Variants in HIVEP1 observed in about 807,000 individuals in gnomAD.
HIVEP1 encodes the protein zinc finger protein 40.
HIVEP1 carries 36 observed loss-of-function variants against 180.0 expected under a neutral mutation model. The observed-to-expected ratio is 0.20, with a 90% confidence interval of 0.15 to 0.26. HIVEP1 has a LOEUF of 0.26. Among genes scored for constraint, HIVEP1 ranks in the 10% least tolerant of loss-of-function variants. The pLI, the probability that HIVEP1 is intolerant of heterozygous loss-of-function variation, is 1.00. For synonymous variants in HIVEP1, 1,239 were observed against 1,239.0 expected (o/e 1.00, Z 0.00); for missense variants, 3,143 against 3,268.7 (o/e 0.96, Z 0.94).
intron 7 of HIVEP1, among the ~76,000 whole-genome samples, chr6:12,152,379 T>C (rs922736412): frequency 6.6e-6 from 1 of 151,952 alleles, no homozygotes; most frequent in Non-Finnish European, 1.5e-5. Flanking sequence ...CAGTACGACT[T>C]TTGATTCAGC....
At chr6:12,024,586 T>G (rs1037932807) in intron 2 of HIVEP1, among the ~76,000 whole-genome samples, 11 of 152,232 alleles carry the variant, frequency 7.2e-5, no homozygotes, top group African/African-American at 2.7e-4. Context: ...TACTTTGAAG[T>G]GTGCTTACAT....
chr6:12,142,320 T>A (rs1759090321), intron 7 of HIVEP1, among the ~76,000 whole-genome samples: 1 of 152,206 alleles, frequency 6.6e-6, no homozygotes, highest in African/African-American at 2.4e-5. Flanking sequence ...GAAATAAAGA[T>A]GTTCTTTGAA....
intron 2 of HIVEP1, among the ~76,000 whole-genome samples, chr6:12,039,916 G>A (rs1018314524): frequency 3.3e-5 from 5 of 152,190 alleles, no homozygotes; most frequent in Admixed American, 1.3e-4. Context: ...TTCCCTGGCC[G>A]GAGTTCAGGC....
At chr6:12,054,521 G>A (rs1008374139) in intron 2 of HIVEP1, among the ~76,000 whole-genome samples, 1 of 152,020 alleles carries the variant, frequency 6.6e-6, no homozygotes, top group African/African-American at 2.4e-5. Context: ...GAATTTTAAA[G>A]CACAGTTGGC....
chr6:12,065,131 A>G (rs1771486964), intron 2 of HIVEP1, among the ~76,000 whole-genome samples: 1 of 152,220 alleles, frequency 6.6e-6, no homozygotes, highest in Non-Finnish European at 1.5e-5. Flanking sequence ...GGTCTGTGCA[A>G]TGTATAGGGA....
intron 7 of HIVEP1, among the ~76,000 whole-genome samples, chr6:12,140,042 G>T (rs759307263): frequency 3.9e-5 from 6 of 152,210 alleles, no homozygotes; most frequent in Non-Finnish European, 7.3e-5. Context: ...CCTCAAGTGG[G>T]TCCCTGACCC....
chr6:12,211,393 C>T, the HIVEP1 span, among the ~76,000 whole-genome samples: 1 of 47,212 alleles, frequency 2.1e-5, no homozygotes, highest in African/African-American at 7.2e-5. Context: ...GAGCGAGACT[C>T]TGTCTCAAAA....
rs774221391 is a variant in HIVEP1, at chr6:12,124,091, A to G, written c.4296A>G (p.Gln1432=). The G allele has an allele frequency of 6.2e-6, 10 of 1,614,118 alleles. No individual in the cohort carries two copies. The highest frequency in any genetic ancestry group is 4.4e-5 in the South Asian group (4 of 91,072). The part of the protein sequence containing the change: ...LERRRGPLVR[Q]ISLNIAPDSH... ...GAAGGAGAGGCCCACTGGTACGGCA[A>G]ATATCTTTAAACATAGCCCCAGATA... The change falls in exon 4 of 9, where the codon CAA becomes CAG. Residue 1432 remains glutamine, a synonymous_variant. Transcript: ENST00000379388.
intron 3 of HIVEP1, among the ~76,000 whole-genome samples, chr6:12,089,940 T>C (rs1773364455): frequency 6.6e-6 from 1 of 152,062 alleles, no homozygotes; most frequent in Non-Finnish European, 1.5e-5. Context: ...TATGTGTTAA[T>C]AGTGGGAAGA....
chr6:12,145,234 TGGAAATCATCATTCTGAGTAA>T, intron 7 of HIVEP1, among the ~76,000 whole-genome samples: 1 of 152,132 alleles, frequency 6.6e-6, no homozygotes, highest in African/African-American at 2.4e-5. Flanking sequence ...TGGATGCAGC[TGGAAATCATCATTCTGAGTAA>T]ACTGTCACAA....
chr6:12,135,763 A>G (rs1370381756), intron 6 of HIVEP1, 28 bp from the exon 7 acceptor site: 1 of 1,424,670 alleles, frequency 7.0e-7, no homozygotes, highest in South Asian at 1.2e-5. Context: ...ATACTACTTA[A>G]GCTTAGTAAA....
chr6:12,148,018 T>C (rs1759474068), intron 7 of HIVEP1, among the ~76,000 whole-genome samples: 1 of 152,206 alleles, frequency 6.6e-6, no homozygotes, highest in Admixed American at 6.5e-5. Context: ...CAATCAACTC[T>C]ATAAGAATGT....
the HIVEP1 span, among the ~76,000 whole-genome samples, chr6:12,190,261 T>A: frequency 3.9e-5 from 6 of 152,224 alleles, no homozygotes; most frequent in African/African-American, 7.2e-5. Context: ...GTATCATTTT[T>A]AAAAATAGAA....
chr6:12,180,795 C>A, the HIVEP1 span, among the ~76,000 whole-genome samples: 2 of 152,118 alleles, frequency 1.3e-5, no homozygotes. Context: ...TATTCAAATC[C>A]GTGAACATAT....
intron 2 of HIVEP1, among the ~76,000 whole-genome samples, chr6:12,042,175 G>GT (rs1300969695): frequency 1.3e-5 from 2 of 149,706 alleles, no homozygotes; most frequent in African/African-American, 2.5e-5. Context: ...CGCTTCCCGG[G>GT]TTCACGCCAT....
the HIVEP1 span, among the ~76,000 whole-genome samples, chr6:12,207,943 T>C: frequency 6.6e-6 from 1 of 150,880 alleles, no homozygotes; most frequent in East Asian, 1.9e-4. Flanking sequence ...GGATCATGGA[T>C]GTGGAAGAAT....
At chr6:12,208,404 G>A in the HIVEP1 span, among the ~76,000 whole-genome samples, 2 of 152,302 alleles carry the variant, frequency 1.3e-5, no homozygotes, top group Admixed American at 1.3e-4. Flanking sequence ...AAGTGAAGCA[G>A]TGGGTCACCT....
At chr6:12,009,123 C>CGGT (rs1255202474), upstream of HIVEP1, among the ~76,000 whole-genome samples, 1 of 133,470 alleles carries the variant, frequency 7.5e-6, no homozygotes, top group Non-Finnish European at 1.7e-5. Flanking sequence ...GTGGCGGTGG[C>CGGT]GGCGGCGGCG....
At chr6:12,194,818 C>T in the HIVEP1 span, among the ~76,000 whole-genome samples, 1 of 151,872 alleles carries the variant, frequency 6.6e-6, no homozygotes, top group Non-Finnish European at 1.5e-5. Flanking sequence ...AAACAAACAA[C>T]AAAAAACATA....
Sources: gnomAD v4.1 joint callset for allele counts (sites outside exome capture counted in the v4.1 genomes callset) on GRCh38, gnomAD v4.1.1 for gene constraint, MANE v1.5 for transcripts, NCBI Gene and HGNC (gene_info 2026-07-23, HGNC 2026-07-21) for gene names.